The following ARAP2 variants were observed in gnomAD, a reference collection of about 807,000 sequenced individuals.
ARAP2 encodes the protein ArfGAP with RhoGAP domain, ankyrin repeat and PH domain 2.
Under a neutral mutation model 194.5 loss-of-function variants are expected in ARAP2, and 148 were observed. The observed-to-expected ratio is 0.76, with a 90% CI of 0.67 to 0.87. The LOEUF (loss-of-function observed/expected upper bound fraction) is 0.87. Ranked by LOEUF, ARAP2 falls within the 40% of genes least tolerant of loss-of-function variation. The pLI, the probability that ARAP2 is intolerant of heterozygous loss-of-function variation, is 0.00. For synonymous variants in ARAP2, 695 were observed against 683.5 expected (o/e 1.02, Z -0.26); for missense variants, 2,128 against 1,989.7 (o/e 1.07, Z -1.32).
chr4:36,081,657 AAAG>A (rs983496299), intron 30 of ARAP2, among the ~76,000 whole-genome samples: 4 of 152,084 alleles, frequency 2.6e-5, no homozygotes, highest in African/African-American at 9.7e-5. Context: ...AAACAAAAGC[AAAG>A]AAGAGGCCTG....
At chr4:36,215,577 G>C (rs1278011114) in intron 2 of ARAP2, among the ~76,000 whole-genome samples, 1 of 152,142 alleles carries the variant, frequency 6.6e-6, no homozygotes, top group Non-Finnish European at 1.5e-5. Context: ...AAAAAACATT[G>C]AAATTTAGTA....
chr4:36,021,247 G>T (rs920798685), intron 5 of ARAP2, among the ~76,000 whole-genome samples: 5 of 152,108 alleles, frequency 3.3e-5, no homozygotes, highest in Admixed American at 6.5e-5. Flanking sequence ...GAAATAGAAG[G>T]TTCATGGCAA....
downstream of ARAP2, among the ~76,000 whole-genome samples, chr4:36,061,044 T>G (rs150666179): frequency 1.3e-5 from 2 of 152,302 alleles, no homozygotes; most frequent in African/African-American, 2.4e-5. Context: ...GAAGAAAACA[T>G]TGCTAGAAGC....
At chr4:36,165,691 T>C (rs1183011899) in intron 10 of ARAP2, among the ~76,000 whole-genome samples, 1 of 152,180 alleles carries the variant, frequency 6.6e-6, no homozygotes, top group Non-Finnish European at 1.5e-5. Flanking sequence ...CACGTTCTGA[T>C]TTATTCTGAA....
intron 5 of ARAP2, among the ~76,000 whole-genome samples, chr4:36,043,707 C>T (rs556662876): frequency 2.7e-5 from 4 of 148,580 alleles, no homozygotes; most frequent in South Asian, 2.2e-4. Context: ...GCCCTGTGAT[C>T]GTGTTTGTGA....
At chr4:36,060,601 A>G (rs949764113) in intron 1 of ARAP2, among the ~76,000 whole-genome samples, 2 of 152,176 alleles carry the variant, frequency 1.3e-5, no homozygotes, top group African/African-American at 4.8e-5. Context: ...AACGTGATGT[A>G]TTACTTTGCT....
At chr4:36,090,298 A>G (rs754585811) in intron 28 of ARAP2, among the ~76,000 whole-genome samples, 3 of 152,132 alleles carry the variant, frequency 2.0e-5, no homozygotes, top group Non-Finnish European at 4.4e-5. Context: ...CAGGAATCGG[A>G]GGGATTCACA....
Position 36,177,939 on chromosome 4 carries a change from G to A in ARAP2, c.1745C>T (p.Ser582Phe), listed in dbSNP as rs1298848572. The A allele has an allele frequency of 6.2e-7, 1 of 1,613,594 alleles. No individual in the cohort carries two copies. The highest frequency in any genetic ancestry group is 1.1e-5 in the South Asian group (1 of 91,024). ...ALKSQSLTSQSQAVVTPEKCG... is the reference protein window; with the variant it reads ...ALKSQSLTSQFQAVVTPEKCG... ...TTTCTCAGGTGTAACAACAGCTTGAGACTGCGAGGTAAGGGATTGTGATTT... is the reference window on the plus strand; with the variant it reads ...TTTCTCAGGTGTAACAACAGCTTGAAACTGCGAGGTAAGGGATTGTGATTT... The change falls in exon 9 of 33, where the codon TCT becomes TTT. Residue 582 changes from serine (S) to phenylalanine (F), a missense_variant. By Grantham distance (155) the Ser-to-Phe change is radical. Coordinates refer to ENST00000303965, the MANE Select transcript of ARAP2 (RefSeq NM_015230.4).
chr4:36,144,919 A>G (rs1030202071), intron 19 of ARAP2, among the ~76,000 whole-genome samples: 1 of 151,906 alleles, frequency 6.6e-6, no homozygotes, highest in African/African-American at 2.4e-5. Flanking sequence ...ACTTCCACTT[A>G]ATGAATAGTA....
At chr4:36,137,562 G>C (rs542196524) in intron 19 of ARAP2, among the ~76,000 whole-genome samples, 1 of 151,848 alleles carries the variant, frequency 6.6e-6, no homozygotes, top group South Asian at 2.1e-4. Context: ...TAAAGGAAAA[G>C]ATATTTAAAG....
At position 36,067,968 on chromosome 4, in the gene ARAP2, A is replaced by T. The variant is rs745680883; in HGVS notation, c.5054T>A (p.Val1685Glu). 2 of 1,614,016 alleles carry T rather than the reference A, an allele frequency of 1.2e-6. No individual in the cohort carries two copies. Among genetic ancestry groups the T allele is most frequent in the Non-Finnish European group, 1.7e-6 (2 of 1,179,908 alleles). Residue 1685 changes from valine to glutamate, a missense_variant, in exon 33 of 33, where the codon GTG (valine) becomes GAG (glutamate). Coordinates refer to ENST00000303965, the MANE Select transcript of ARAP2 (RefSeq NM_015230.4). ...LPSRVIEELN[V>E]VLQRSRTLPK... ...AAGGGTTCTTGACCGTTGTAGAACCACATTAAGTTCTTCAATTACCCTTGA... is the reference window on the plus strand; with the variant it reads ...AAGGGTTCTTGACCGTTGTAGAACCTCATTAAGTTCTTCAATTACCCTTGA...
At chr4:36,051,702 A>T (rs576120506) in intron 3 of ARAP2, among the ~76,000 whole-genome samples, 1 of 152,144 alleles carries the variant, frequency 6.6e-6, no homozygotes. Flanking sequence ...AAGTGTTTTA[A>T]ACCAATTATC....
chr4:36,056,964 T>C (rs1723620886), intron 2 of ARAP2, among the ~76,000 whole-genome samples: 1 of 152,042 alleles, frequency 6.6e-6, no homozygotes, highest in African/African-American at 2.4e-5. Flanking sequence ...TTTTTTTACT[T>C]TCCTTTGCTC....
intron 3 of ARAP2, 106 bp downstream of exon 3, chr4:36,214,316 T>G (rs1578302129): frequency 7.8e-6 from 6 of 770,550 alleles, no homozygotes; most frequent in South Asian, 7.6e-5. Flanking sequence ...GTTATTTCCA[T>G]TGTTCCCTAT....
At chr4:36,170,183 T>A (rs1278137792) in intron 9 of ARAP2, among the ~76,000 whole-genome samples, 2 of 152,184 alleles carry the variant, frequency 1.3e-5, no homozygotes, top group African/African-American at 4.8e-5. Flanking sequence ...AAGTACAACC[T>A]CATGGCTTTT....
At chr4:36,103,772 G>A (rs934956379) in intron 27 of ARAP2, among the ~76,000 whole-genome samples, 1 of 151,808 alleles carries the variant, frequency 6.6e-6, no homozygotes, top group Non-Finnish European at 1.5e-5. Context: ...TACCTTAAAT[G>A]AATGAGCAGA....
At chr4:36,021,910 C>T (rs181316193) in intron 5 of ARAP2, among the ~76,000 whole-genome samples, 90 of 152,240 alleles carry the variant, frequency 5.9e-4, no homozygotes, top group African/African-American at 2.0e-3. Flanking sequence ...GTTGTGTGAA[C>T]ATCAGAGTAC....
chr4:36,209,378 G>A (rs1263613679), intron 6 of ARAP2: 1 of 454,364 alleles, frequency 2.2e-6, no homozygotes, highest in Non-Finnish European at 4.4e-6. Context: ...CTGATAGTAA[G>A]AAGTAATCTG....
downstream of ARAP2, chr4:36,065,215 C>G (rs1192004217): frequency 8.0e-6 from 3 of 375,334 alleles, no homozygotes; most frequent in African/African-American, 2.1e-5. Context: ...TCAGAGTGAG[C>G]CTGCTCTTGC....
Sources: gnomAD v4.1 joint callset for allele counts (sites outside exome capture counted in the v4.1 genomes callset) on GRCh38, gnomAD v4.1.1 for gene constraint, MANE v1.5 for transcripts, NCBI Gene and HGNC (gene_info 2026-07-23, HGNC 2026-07-21) for gene names.